Variants in CHD2 observed in about 807,000 individuals in gnomAD.
CHD2 encodes chromodomain helicase DNA binding protein 2, also known as ATP-dependent chromatin remodeler CHD2.
In CHD2, 28 loss-of-function variants were observed where a neutral mutation model predicts 243.9. The observed-to-expected ratio is 0.11, with a 90% confidence interval of 0.09 to 0.16. The LOEUF (loss-of-function observed/expected upper bound fraction) is 0.16. CHD2 is among the 10% of genes least tolerant of loss of function. The pLI is 1.00. For missense variants in CHD2, 1,386 were observed against 2,209.8 expected, an observed-to-expected ratio of 0.63 and a Z score of 7.47; for synonymous variants, 775 against 779.0, an observed-to-expected ratio of 0.99 and a Z score of 0.09.
At chr15:92,991,337 T>C in intron 26 of CHD2, 139 bp from the exon 27 acceptor site, 2 of 509,830 alleles carry the variant, frequency 3.9e-6, no homozygotes, top group Non-Finnish European at 7.0e-6. Context: ...TTTATTCATT[T>C]TTTTGGTAGT....
intron 17 of CHD2, among the ~76,000 whole-genome samples, chr15:92,970,097 A>G (rs191995863): frequency 1.6e-4 from 24 of 152,270 alleles, no homozygotes; most frequent in Admixed American, 6.5e-4. Context: ...AAATTATAGT[A>G]TTTGTAGATT....
chr15:92,992,628 T>C (rs1225079770), intron 27 of CHD2, among the ~76,000 whole-genome samples: 1 of 152,222 alleles, frequency 6.6e-6, no homozygotes, highest in African/African-American at 2.4e-5. Flanking sequence ...TTTTTGGAAT[T>C]ATTTTGTTTT....
chr15:92,957,943 TC>T (rs2053637437), intron 16 of CHD2, among the ~76,000 whole-genome samples: 1 of 152,182 alleles, frequency 6.6e-6, no homozygotes, highest in Non-Finnish European at 1.5e-5. Context: ...CCGGCTTCCT[TC>T]ACTTAGCATA....
In CHD2 at chr15:92,982,740, C is replaced by A. The variant is rs74029212; in HGVS notation, c.3066+1283C>A. Reference sequence around the variant, plus strand: ...CAATATTGTGTGATTAGCTCCAAAGCTGGCCACTGGTAGAAGTTGTTTCAA... The same window carrying A: ...CAATATTGTGTGATTAGCTCCAAAGATGGCCACTGGTAGAAGTTGTTTCAA... On this transcript the variant is annotated intron_variant, in intron 24 of 38. Transcript: ENST00000394196. 4.8e-3 allele frequency among the ~76,000 whole-genome samples: 737 copies of A among 152,172 alleles called. 8 individuals carry two copies. The highest frequency in any genetic ancestry group is 0.017 in the African/African-American group (709 of 41,504).
At chr15:92,939,831 T>C in intron 7 of CHD2, 113 bp downstream of exon 7, 1 of 1,134,470 alleles carries the variant, frequency 8.8e-7, no homozygotes, top group Admixed American at 2.5e-5. Flanking sequence ...TAACAGCCTA[T>C]GTCCTGAAGT....
At chr15:92,963,852 C>T (rs376286687) in intron 16 of CHD2, among the ~76,000 whole-genome samples, 38 of 152,240 alleles carry the variant, frequency 2.5e-4, no homozygotes, top group East Asian at 1.3e-3. Flanking sequence ...GGTCACCCTA[C>T]GTAGTAAGAG....
intron 2 of CHD2, among the ~76,000 whole-genome samples, chr15:92,906,548 A>G (rs1013427752): frequency 2.0e-5 from 3 of 151,984 alleles, no homozygotes; most frequent in Admixed American, 6.6e-5. Flanking sequence ...ACCACCTGGT[A>G]TTTCCAAACT....
intron 16 of CHD2, among the ~76,000 whole-genome samples, chr15:92,964,979 A>G (rs778844131): frequency 6.6e-5 from 10 of 152,268 alleles, no homozygotes; most frequent in Admixed American, 2.0e-4. Context: ...GACTTTTAGC[A>G]TACCATTTTC....
intron 11 of CHD2, 24 bp downstream of exon 11, chr15:92,945,889 A>G (rs775822287): frequency 1.3e-5 from 20 of 1,554,790 alleles, no homozygotes; most frequent in Non-Finnish European, 1.7e-5. Flanking sequence ...TTTATTTATA[A>G]ATGTTCTTCA....
In CHD2 at chr15:92,935,799, T is replaced by A. The variant is rs1596389096; in HGVS notation, c.444-1719T>A. Among the ~76,000 whole-genome samples the A allele has an allele frequency of 2.0e-5, 3 of 152,284 alleles. No individual in the cohort carries two copies. In the South Asian group the frequency reaches 6.2e-4, roughly 32 times the overall value. Reference sequence around the variant, plus strand: ...CCGGGGAAGCAGAATTAGACCAGTGTCCAGAGTGTATATACGAAGGTCTTT... The same window carrying A: ...CCGGGGAAGCAGAATTAGACCAGTGACCAGAGTGTATATACGAAGGTCTTT... On this transcript the variant is annotated intron_variant, in intron 5 of 38. Transcript: ENST00000394196.
At chr15:92,928,659 C>A (rs1347197468) in intron 4 of CHD2, among the ~76,000 whole-genome samples, 4 of 152,204 alleles carry the variant, frequency 2.6e-5, no homozygotes, top group Admixed American at 2.0e-4. Context: ...AATAAAACTT[C>A]CATTTCTCAG....
chr15:93,010,663 A>C (rs991375846), intron 35 of CHD2, among the ~76,000 whole-genome samples: 1 of 152,168 alleles, frequency 6.6e-6, no homozygotes, highest in African/African-American at 2.4e-5. Context: ...ACCTTAGGTG[A>C]TCCGCCCGCC....
In CHD2 at chr15:92,929,018, C is replaced by G. The variant is rs960178136; in HGVS notation, c.382-12C>G. ...AAGTCTGTAATCATTTTTCCCCCCT[C>G]ACACACTGAAGGCAAGTAGCGGGTC... On this transcript the variant is annotated splice_polypyrimidine_tract_variant and intron_variant, in intron 4 of 38. Transcript: ENST00000394196. 1 of 1,610,258 alleles carries G rather than the reference C, an allele frequency of 6.2e-7. No individual in the cohort carries two copies. Among genetic ancestry groups the G allele is most frequent in the Admixed American group, 1.7e-5 (1 of 59,652 alleles).
At chr15:92,985,819 T>C (rs1014539249) in intron 26 of CHD2, 146 bp downstream of exon 26, 2 of 666,704 alleles carry the variant, frequency 3.0e-6, no homozygotes, top group Non-Finnish European at 4.7e-6. Flanking sequence ...GTCCCAGATC[T>C]GTAGGATGAT....
chr15:92,940,916 A>C (rs2053362805), intron 7 of CHD2, among the ~76,000 whole-genome samples: 1 of 140,718 alleles, frequency 7.1e-6, no homozygotes, highest in Non-Finnish European at 1.5e-5. Context: ...ATATATATAA[A>C]TATACATATA....
At chr15:92,936,996 A>G (rs891420448) in intron 5 of CHD2, among the ~76,000 whole-genome samples, 1 of 152,142 alleles carries the variant, frequency 6.6e-6, no homozygotes, top group African/African-American at 2.4e-5. Context: ...CTAGGACTGT[A>G]GACATGCTCC....
intron 4 of CHD2, among the ~76,000 whole-genome samples, chr15:92,928,638 C>T (rs2053109546): frequency 6.6e-6 from 1 of 152,216 alleles, no homozygotes; most frequent in African/African-American, 2.4e-5. Flanking sequence ...TTAAAATTCG[C>T]ATTAGTTAAA....
chr15:93,019,865 G>A (rs949824385), intron 37 of CHD2, 147 bp from the exon 38 acceptor site: 12 of 945,078 alleles, frequency 1.3e-5, no homozygotes, highest in Admixed American at 2.9e-5. Flanking sequence ...CCCAAGAGAT[G>A]GAGATTGCAG....
chr15:92,992,583 ACTTTG>A (rs1418798676), intron 27 of CHD2, among the ~76,000 whole-genome samples: 1 of 152,120 alleles, frequency 6.6e-6, no homozygotes, highest in Non-Finnish European at 1.5e-5. Context: ...TATTTAATAA[ACTTTG>A]CTTTGCTTGT....
Sources: allele counts gnomAD v4.1 joint callset (sites outside exome capture counted in the v4.1 genomes callset), GRCh38; gene constraint gnomAD v4.1.1; transcripts MANE v1.5; gene names NCBI Gene and HGNC (gene_info 2026-07-23, HGNC 2026-07-21).